The following CPM variants were observed in gnomAD, a reference collection of about 807,000 sequenced individuals.
The protein encoded by CPM is carboxypeptidase M, also known as renal carboxypeptidase.
A neutral mutation model predicts 46.4 loss-of-function variants in CPM; 35 were observed. The observed-to-expected ratio is 0.75, with a 90% CI of 0.58 to 1.00. The LOEUF is 1.00. CPM is among the 50% of genes least tolerant of loss of function. The pLI is 0.00. For synonymous variants in CPM, 195 were observed against 195.3 expected (o/e 1.00, Z 0.01); for missense variants, 422 against 530.4 (o/e 0.80, Z 2.01).
chr12:68,925,126 T>C (rs1451351795), intron 2 of CPM, among the ~76,000 whole-genome samples: 5 of 152,220 alleles, frequency 3.3e-5, no homozygotes, highest in African/African-American at 1.2e-4. Flanking sequence ...AATGACAGTA[T>C]TGATTTATGA....
chr12:68,918,699 T>C (rs1887914099), intron 2 of CPM, among the ~76,000 whole-genome samples: 2 of 152,122 alleles, frequency 1.3e-5, no homozygotes, highest in Non-Finnish European at 2.9e-5. Flanking sequence ...CCAAAACAGA[T>C]TTCCAATCCT....
chr12:68,871,312 G>C (rs1265809941), intron 4 of CPM, among the ~76,000 whole-genome samples: 2 of 152,180 alleles, frequency 1.3e-5, no homozygotes, highest in South Asian at 4.1e-4. Context: ...CAGTGTAGTG[G>C]GGGGAGAGAC....
upstream of CPM, among the ~76,000 whole-genome samples, chr12:68,937,011 T>C (rs895287262): frequency 1.3e-5 from 2 of 152,224 alleles, no homozygotes; most frequent in African/African-American, 2.4e-5. Context: ...TTGTTTTGCT[T>C]ATCACAAAGC....
chr12:68,854,404 A>G lies in CPM; in HGVS notation c.*2033T>C, dbSNP rs979284863. 6.6e-6 allele frequency: 1 copy of G among 152,258 alleles called. No individual in the cohort carries two copies. The highest frequency in any genetic ancestry group is 2.4e-5 in the African/African-American group (1 of 41,476). The allele number at this position is 152,258 out of a possible 1,614,324, so 9.4% of individuals were successfully genotyped here. A position where few individuals can be genotyped will look rare whatever the true frequency, so the allele number is the denominator to read the frequency against. On this transcript the variant is annotated 3_prime_UTR_variant, in exon 9 of 9. Coordinates refer to ENST00000551568, the MANE Select transcript of CPM (RefSeq NM_198320.5). ...TCACATTCTACTAGAGAAGGCACAC[A>G]TGGAGAAGATTATAATACAATGTTG...
chr12:68,876,869 T>G (rs879816182), intron 3 of CPM, among the ~76,000 whole-genome samples: 25 of 148,160 alleles, frequency 1.7e-4, no homozygotes, highest in Admixed American at 4.1e-4. Context: ...TGTTGTGTGG[T>G]GTGTGTGTGT....
At chr12:68,949,606 T>TG (rs1287208694) in intron 1 of CPM, among the ~76,000 whole-genome samples, 1 of 152,196 alleles carries the variant, frequency 6.6e-6, no homozygotes, top group Non-Finnish European at 1.5e-5. Context: ...TAAATGAGAT[T>TG]GTTCACATAA....
At chr12:68,859,516 G>C (rs571658802) in intron 7 of CPM, among the ~76,000 whole-genome samples, 1 of 152,156 alleles carries the variant, frequency 6.6e-6, no homozygotes, top group African/African-American at 2.4e-5. Flanking sequence ...CAACTACATG[G>C]GAAGCAAAAT....
chr12:68,843,911 G>A lies in CPM; in HGVS notation c.534-1582C>T, dbSNP rs1565753119. On this transcript the variant is annotated intron_variant, in intron 5 of 5. Transcript: ENST00000551897. ...ATAATATTTCAGCTAGAACCTAGTA[G>A]AATCTGTTTTTTTCCTTTGGAGGTC... is the stretch of plus-strand genomic sequence containing the variant. The A allele has an allele frequency of 2.3e-5, 5 of 213,258 alleles. No homozygotes were observed. The South Asian group carries it at 9.3e-4, about 40-fold the overall frequency. 13.2% of individuals were successfully genotyped at this position (213,258 alleles called of 1,614,324 possible). A position where few individuals can be genotyped will look rare whatever the true frequency, so the allele number is the denominator to read the frequency against.
intron 1 of CPM, among the ~76,000 whole-genome samples, chr12:68,957,938 G>A (rs1009868868): frequency 6.6e-6 from 1 of 150,394 alleles, no homozygotes; most frequent in Non-Finnish European, 1.5e-5. Context: ...GAGAACATGT[G>A]GTGTTTGGTT....
intron 2 of CPM, among the ~76,000 whole-genome samples, chr12:68,914,330 T>A (rs964997283): frequency 1.3e-5 from 2 of 148,936 alleles, no homozygotes; most frequent in East Asian, 4.0e-4. Context: ...TATCACAGAG[T>A]TTTTATATAA....
intron 8 of CPM, among the ~76,000 whole-genome samples, chr12:68,858,674 T>C (rs1051938566): frequency 2.0e-5 from 3 of 151,946 alleles, no homozygotes; most frequent in Non-Finnish European, 4.4e-5. Context: ...TCACAAGAGA[T>C]AGGATTTGGC....
rs1392119887 is a variant in CPM, at chr12:68,852,047, T to C, written c.*4390A>G. 2 of 152,244 alleles carry C rather than the reference T, an allele frequency of 1.3e-5. No homozygotes were observed. The highest frequency in any genetic ancestry group is 4.8e-5 in the African/African-American group (2 of 41,472). 9.4% of individuals were successfully genotyped at this position (152,244 alleles called of 1,614,324 possible). On this transcript the variant is annotated 3_prime_UTR_variant, in exon 9 of 9. Coordinates refer to ENST00000551568, the MANE Select transcript of CPM (RefSeq NM_198320.5). The stretch of plus-strand genomic sequence containing the variant: ...GATACTTCCAATCTAACATCAGATA[T>C]TTTTACTTTCTAAACAGAGCTAACT...
chr12:68,904,263 C>T (rs1277717614), intron 2 of CPM, among the ~76,000 whole-genome samples: 2 of 152,174 alleles, frequency 1.3e-5, no homozygotes, highest in African/African-American at 4.8e-5. Flanking sequence ...TTACAAGAAG[C>T]CATTCCAGAG....
chr12:68,876,819 A>G (rs556426377), intron 3 of CPM, among the ~76,000 whole-genome samples: 147 of 152,312 alleles, frequency 9.7e-4, no homozygotes, highest in Middle Eastern at 3.4e-3. Flanking sequence ...TAAAAAAAAC[A>G]GAAAAAAATT....
chr12:68,924,347 C>A (rs145692321), intron 2 of CPM, among the ~76,000 whole-genome samples: 1 of 151,694 alleles, frequency 6.6e-6, no homozygotes, highest in Admixed American at 6.6e-5. Flanking sequence ...ATTAGCCAGG[C>A]GCAATGGTGG....
intron 2 of CPM, among the ~76,000 whole-genome samples, chr12:68,918,160 T>C (rs972385141): frequency 1.3e-5 from 2 of 152,184 alleles, no homozygotes; most frequent in African/African-American, 4.8e-5. Context: ...GTGACATCAC[T>C]CTTAATTTTC....
At chr12:68,884,110 GAAAAAAAAAA>G (rs35514888) in intron 3 of CPM, among the ~76,000 whole-genome samples, 1 of 63,880 alleles carries the variant, frequency 1.6e-5, no homozygotes, top group Non-Finnish European at 2.8e-5. Context: ...AATTCCATCG[GAAAAAAAAAA>G]AAAAAAAAAA....
chr12:68,862,849 C>T lies in CPM; in HGVS notation c.941-3778G>A, dbSNP rs188071814. The stretch of plus-strand genomic sequence containing the variant: ...CTAAGAGACGCAGAGAGAGCCAACA[C>T]TATATTAAAAAAAAAAAAAGGAAAA... On this transcript the variant is annotated intron_variant, in intron 7 of 8. Transcript: ENST00000551568. Among the ~76,000 whole-genome samples, 325 of 147,314 alleles carry T rather than the reference C, an allele frequency of 2.2e-3. 2 individuals are homozygous for T. Among genetic ancestry groups the T allele is most frequent in the African/African-American group, 8.0e-3 (319 of 39,762 alleles).
At chr12:68,923,004 T>G (rs1028168290) in intron 2 of CPM, among the ~76,000 whole-genome samples, 6 of 152,116 alleles carry the variant, frequency 3.9e-5, no homozygotes, top group Non-Finnish European at 7.4e-5. Context: ...CATAGTGCAG[T>G]ACAGCCTCAA....
Sources: gnomAD v4.1 joint callset for allele counts (sites outside exome capture counted in the v4.1 genomes callset) on GRCh38, gnomAD v4.1.1 for gene constraint, MANE v1.5 for transcripts, NCBI Gene and HGNC (gene_info 2026-07-23, HGNC 2026-07-21) for gene names.